HPSE2: variants seen among roughly 807,000 people sequenced by gnomAD.
HPSE2 encodes heparanase 2 (inactive).
Under a neutral mutation model 60.5 loss-of-function variants are expected in HPSE2, and 38 were observed. The observed-to-expected ratio is 0.63, with a 90% confidence interval of 0.48 to 0.82. The LOEUF (loss-of-function observed/expected upper bound fraction) is 0.82, where lower values mean the gene tolerates loss of function less well. Among genes scored for constraint, HPSE2 ranks in the 40% least tolerant of loss-of-function variants. The pLI is 0.00. For synonymous variants in HPSE2, 295 were observed against 293.2 expected (o/e 1.01, Z -0.06); for missense variants, 713 against 740.4 (o/e 0.96, Z 0.43).
At chr10:99,105,088 A>G (rs1463097058) in intron 3 of HPSE2, among the ~76,000 whole-genome samples, 1 of 150,508 alleles carries the variant, frequency 6.6e-6, no homozygotes, top group African/African-American at 2.4e-5. Flanking sequence ...AAAAGCTAGG[A>G]GTCAAAACAT....
intron 2 of HPSE2, among the ~76,000 whole-genome samples, chr10:99,164,217 T>C (rs1185793688): frequency 5.6e-5 from 7 of 125,436 alleles, no homozygotes; most frequent in Non-Finnish European, 9.9e-5. Flanking sequence ...CTCATTTATT[T>C]ATTCAAGCAT....
intron 3 of HPSE2, among the ~76,000 whole-genome samples, chr10:98,984,576 T>G (rs1197081555): frequency 6.6e-6 from 1 of 152,094 alleles, no homozygotes; most frequent in Non-Finnish European, 1.5e-5. Flanking sequence ...ATTCTAAAAA[T>G]CAGAGTGCCT....
At chr10:99,180,889 CAAAAAAAAAAAA>C (rs68033581) in intron 2 of HPSE2, among the ~76,000 whole-genome samples, 16 of 29,700 alleles carry the variant, frequency 5.4e-4, no homozygotes, top group African/African-American at 2.6e-3. Flanking sequence ...GACTCCATCT[CAAAAAAAAAAAA>C]AAAAAAAAAA....
intron 3 of HPSE2, chr10:99,013,174 C>G: frequency 1.5e-6 from 1 of 670,212 alleles, no homozygotes; most frequent in South Asian, 1.4e-5. Context: ...GAACAGCATG[C>G]CTGGATATGC....
In HPSE2 at chr10:98,659,584, ATTCTACC is replaced by A. The variant is rs1947169779; in HGVS notation, c.1005-17651_1005-17645del. Among the ~76,000 whole-genome samples, 7 of 152,314 alleles carry A rather than the reference ATTCTACC, an allele frequency of 4.6e-5. No homozygotes were observed. The South Asian group carries it at 1.4e-3, about 32-fold the overall frequency. On this transcript the variant is annotated intron_variant, in intron 6 of 11. Transcript: ENST00000370552. ...CATCTGTTGATGGACATTTGGGATG[ATTCTACC>A]TTTAAGCTATTGTGAGTACTGCTGT...
chr10:98,641,468 T>G (rs1946634788), intron 7 of HPSE2, among the ~76,000 whole-genome samples: 1 of 151,896 alleles, frequency 6.6e-6, no homozygotes, highest in East Asian at 1.9e-4. Context: ...GTACCTGTAA[T>G]CTCAGCTACT....
intron 3 of HPSE2, among the ~76,000 whole-genome samples, chr10:98,925,158 G>A (rs1353170685): frequency 6.6e-5 from 10 of 152,234 alleles, no homozygotes; most frequent in East Asian, 3.9e-4. Flanking sequence ...TGCCTCTGTC[G>A]TTAAATCCAA....
At chr10:99,168,480 G>A (rs1241324597) in intron 2 of HPSE2, among the ~76,000 whole-genome samples, 1 of 152,100 alleles carries the variant, frequency 6.6e-6, no homozygotes, top group Non-Finnish European at 1.5e-5. Flanking sequence ...ATTCACTATG[G>A]AAATATCATC....
intron 9 of HPSE2, among the ~76,000 whole-genome samples, chr10:98,496,227 T>C (rs968688558): frequency 6.6e-6 from 1 of 152,126 alleles, no homozygotes; most frequent in Non-Finnish European, 1.5e-5. Flanking sequence ...CAGTTGCTTT[T>C]GAATGTTCCT....
chr10:98,695,260 AGAG>A (rs1421776106), intron 5 of HPSE2, among the ~76,000 whole-genome samples: 1 of 152,106 alleles, frequency 6.6e-6, no homozygotes, highest in Non-Finnish European at 1.5e-5. Flanking sequence ...GAGAGAAGGA[AGAG>A]GAGGAGGAGG....
chr10:99,188,302 C>T (rs1158369505), intron 2 of HPSE2, among the ~76,000 whole-genome samples: 3 of 152,014 alleles, frequency 2.0e-5, no homozygotes, highest in African/African-American at 4.8e-5. Flanking sequence ...GACTGTAAAG[C>T]GGCAAGAAGA....
intron 2 of HPSE2, among the ~76,000 whole-genome samples, chr10:99,160,511 T>C (rs1333910167): frequency 2.0e-5 from 3 of 152,136 alleles, no homozygotes; most frequent in Admixed American, 1.3e-4. Flanking sequence ...GGAAAACACA[T>C]TGGTAGTTTC....
chr10:99,299,475 A>C, the HPSE2 span, among the ~76,000 whole-genome samples: 1 of 152,238 alleles, frequency 6.6e-6, no homozygotes, highest in Non-Finnish European at 1.5e-5. Context: ...TGTTAAGTTG[A>C]CCATGTCTTT....
At chr10:99,309,800 T>C in the HPSE2 span, among the ~76,000 whole-genome samples, 1 of 152,244 alleles carries the variant, frequency 6.6e-6, no homozygotes, top group Non-Finnish European at 1.5e-5. Flanking sequence ...TATAAATTGG[T>C]GCAACCATTC....
At chr10:98,597,249 C>A (rs11189702) in intron 9 of HPSE2, among the ~76,000 whole-genome samples, 5 of 151,956 alleles carry the variant, frequency 3.3e-5, no homozygotes, top group South Asian at 2.1e-4. Flanking sequence ...GACCTTTGGC[C>A]TTCCTGTACT....
At chr10:98,994,461 GAATGGGA>G (rs1956598381) in intron 3 of HPSE2, among the ~76,000 whole-genome samples, 5 of 152,118 alleles carry the variant, frequency 3.3e-5, no homozygotes, top group African/African-American at 1.2e-4. Flanking sequence ...CAACCAGGGA[GAATGGGA>G]CCCTTCCCAA....
At chr10:99,136,475 G>A (rs773929468) in intron 3 of HPSE2, among the ~76,000 whole-genome samples, 10 of 152,066 alleles carry the variant, frequency 6.6e-5, no homozygotes, top group African/African-American at 1.7e-4. Flanking sequence ...GATGAACATC[G>A]ATGCGAAAAT....
chr10:98,572,303 A>C (rs977980322), intron 9 of HPSE2, among the ~76,000 whole-genome samples: 2 of 152,166 alleles, frequency 1.3e-5, no homozygotes, highest in Non-Finnish European at 2.9e-5. Context: ...AATATAGTAT[A>C]TATTTTCCAT....
intron 3 of HPSE2, among the ~76,000 whole-genome samples, chr10:99,042,220 C>T (rs765718180): frequency 3.3e-5 from 5 of 152,112 alleles, no homozygotes; most frequent in Non-Finnish European, 7.4e-5. Context: ...CAGCACACCA[C>T]GACAGCCGTC....
Sources: allele counts gnomAD v4.1 joint callset (sites outside exome capture counted in the v4.1 genomes callset), GRCh38; gene constraint gnomAD v4.1.1; transcripts MANE v1.5; gene names NCBI Gene and HGNC (gene_info 2026-07-23, HGNC 2026-07-21).